The following FOXJ3 variants were observed in gnomAD, a reference collection of about 807,000 sequenced individuals.
The protein encoded by FOXJ3 is forkhead box J3.
A neutral mutation model predicts 76.1 loss-of-function variants in FOXJ3; 22 were observed. That is an observed-to-expected ratio of 0.29 (90% CI 0.21 to 0.41). The LOEUF (loss-of-function observed/expected upper bound fraction) is 0.41. Among genes scored for constraint, FOXJ3 ranks in the 10% least tolerant of loss-of-function variants. The pLI, the probability that FOXJ3 is intolerant of heterozygous loss-of-function variation, is 1.00. For synonymous variants in FOXJ3, 269 were observed against 261.2 expected, an observed-to-expected ratio of 1.03 and a Z score of -0.29; for missense variants, 613 against 762.1, an observed-to-expected ratio of 0.80 and a Z score of 2.30.
intron 4 of FOXJ3, among the ~76,000 whole-genome samples, chr1:42,244,107 A>G (rs994345120): frequency 2.6e-5 from 4 of 152,308 alleles, no homozygotes; most frequent in African/African-American, 7.2e-5. Context: ...GAAATAAAAA[A>G]CTTTCTTGAA....
At chr1:42,211,108 C>A (rs1252241289) in intron 5 of FOXJ3, among the ~76,000 whole-genome samples, 2 of 152,154 alleles carry the variant, frequency 1.3e-5, no homozygotes, top group Admixed American at 6.5e-5. Flanking sequence ...CAAAGTCAGG[C>A]GGCCCTGGTG....
intron 4 of FOXJ3, among the ~76,000 whole-genome samples, chr1:42,255,666 A>G (rs905925211): frequency 1.1e-4 from 16 of 152,222 alleles, no homozygotes; most frequent in Non-Finnish European, 2.9e-5. Context: ...ATGATGTTGC[A>G]TAAGAAAGCT....
At chr1:42,239,764 C>T (rs1570006601) in intron 4 of FOXJ3, among the ~76,000 whole-genome samples, 1 of 152,256 alleles carries the variant, frequency 6.6e-6, no homozygotes, top group South Asian at 2.1e-4. Context: ...GTCATCTCTG[C>T]TCCACAATCG....
At chr1:42,208,327 GGATCATTCACCATGAT>G (rs1236354635) in intron 5 of FOXJ3, among the ~76,000 whole-genome samples, 2 of 152,122 alleles carry the variant, frequency 1.3e-5, no homozygotes, top group Non-Finnish European at 2.9e-5. Context: ...TTCAGTAAAA[GGATCATTCACCATGAT>G]CAAGTGGGAT....
chr1:42,216,615 G>A (rs921252540), intron 5 of FOXJ3, among the ~76,000 whole-genome samples: 7 of 152,068 alleles, frequency 4.6e-5, no homozygotes, highest in Non-Finnish European at 2.9e-5. Flanking sequence ...AACATCTACA[G>A]ATGTAACACA....
chr1:42,314,252 T>A (rs1411704446), intron 1 of FOXJ3, among the ~76,000 whole-genome samples: 1 of 152,168 alleles, frequency 6.6e-6, no homozygotes, highest in African/African-American at 2.4e-5. Context: ...GGACTCAGAA[T>A]CTTTTTATTT....
intron 12 of FOXJ3, among the ~76,000 whole-genome samples, chr1:42,180,052 T>C (rs1035720053): frequency 6.6e-6 from 1 of 152,090 alleles, no homozygotes; most frequent in African/African-American, 2.4e-5. Context: ...GGGACAAAGA[T>C]AGGATCTGAG....
chr1:42,311,608 G>T (rs1489554047), intron 1 of FOXJ3, among the ~76,000 whole-genome samples: 1 of 147,130 alleles, frequency 6.8e-6, no homozygotes, highest in Non-Finnish European at 1.5e-5. Context: ...ACTTCACAAA[G>T]ATTTCATCTA....
At chr1:42,204,064 T>A (rs1368186040) in intron 6 of FOXJ3, among the ~76,000 whole-genome samples, 1 of 151,654 alleles carries the variant, frequency 6.6e-6, no homozygotes, top group Admixed American at 6.6e-5. Flanking sequence ...AACCCCTGGC[T>A]CTTTGGTAAC....
At chr1:42,252,829 G>A (rs1085135) in intron 4 of FOXJ3, among the ~76,000 whole-genome samples, 132,062 of 135,846 alleles carry the variant, frequency 0.97, 64,178 homozygotes, top group Non-Finnish European at 0.99. Flanking sequence ...AATAAGAGCT[G>A]TCTATGACAA....
intron 2 of FOXJ3, among the ~76,000 whole-genome samples, chr1:42,306,984 A>G (rs1429927852): frequency 6.6e-6 from 1 of 152,164 alleles, no homozygotes; most frequent in Non-Finnish European, 1.5e-5. Flanking sequence ...TGGTGCTTGC[A>G]CTAAGACTCT....
At chr1:42,334,652 G>A (rs1349524186) in intron 1 of FOXJ3, among the ~76,000 whole-genome samples, 1 of 152,232 alleles carries the variant, frequency 6.6e-6, no homozygotes, top group East Asian at 1.9e-4. Flanking sequence ...AAGGGAAGAA[G>A]CCGCAGAGTG....
intron 6 of FOXJ3, among the ~76,000 whole-genome samples, chr1:42,203,640 G>A (rs1408050582): frequency 1.3e-5 from 2 of 152,112 alleles, no homozygotes; most frequent in East Asian, 3.8e-4. Flanking sequence ...AAAACTTTGT[G>A]TCTGAGCCCT....
At chr1:42,180,949 C>T (rs1646305890) in intron 12 of FOXJ3, among the ~76,000 whole-genome samples, 2 of 152,188 alleles carry the variant, frequency 1.3e-5, no homozygotes, top group African/African-American at 4.8e-5. Flanking sequence ...CTTATGGTGC[C>T]ACTTACAAAT....
chr1:42,301,984 T>C (rs533375047), intron 2 of FOXJ3, among the ~76,000 whole-genome samples: 1 of 152,282 alleles, frequency 6.6e-6, no homozygotes, highest in African/African-American at 2.4e-5. Flanking sequence ...TTTCTCCCCT[T>C]CAGAAGGTGT....
chr1:42,184,791 AAAC>A (rs1355718650), intron 11 of FOXJ3, among the ~76,000 whole-genome samples: 1 of 152,086 alleles, frequency 6.6e-6, no homozygotes, highest in East Asian at 1.9e-4. Context: ...TTTTGAGGAA[AAAC>A]AACGGAACAA....
chr1:42,276,854 C>T (rs1212627903), intron 3 of FOXJ3, among the ~76,000 whole-genome samples: 1 of 152,170 alleles, frequency 6.6e-6, no homozygotes, highest in African/African-American at 2.4e-5. Context: ...TATTATTCTT[C>T]CCAAAAATGT....
intron 4 of FOXJ3, chr1:42,264,821 A>G (rs1391644331): frequency 3.1e-6 from 1 of 323,532 alleles, no homozygotes; most frequent in African/African-American, 2.2e-5. Flanking sequence ...CTTATATGTA[A>G]TAATGAATTA....
chr1:42,205,028 G>A (rs996856056), intron 6 of FOXJ3, among the ~76,000 whole-genome samples: 4 of 152,132 alleles, frequency 2.6e-5, no homozygotes, highest in African/African-American at 4.8e-5. Context: ...GGGAGAAAAT[G>A]AAAACAAGAC....
Sources: gnomAD v4.1 joint callset for allele counts (sites outside exome capture counted in the v4.1 genomes callset) on GRCh38, gnomAD v4.1.1 for gene constraint, MANE v1.5 for transcripts, NCBI Gene and HGNC (gene_info 2026-07-23, HGNC 2026-07-21) for gene names.